The following HPF1 variants were observed in gnomAD, a reference collection of about 807,000 sequenced individuals.
HPF1 encodes UPF0609 protein C4orf27.
HPF1 carries 35 observed loss-of-function variants against 38.8 expected under a neutral mutation model. The observed-to-expected ratio is 0.90, with a 90% confidence interval of 0.69 to 1.19. The LOEUF is 1.19. Ranked by LOEUF, HPF1 falls within the 50% of genes most tolerant of loss-of-function variation. The probability of loss-of-function intolerance (pLI) is 0.00; values close to 1 mark genes in which losing one functional copy is unlikely to be tolerated. For missense variants in HPF1, 367 were observed against 405.8 expected (o/e 0.90, Z 0.82); for synonymous variants, 115 against 139.2 (o/e 0.83, Z 1.22).
chr4:169,732,519 T>C (rs1733843140), intron 6 of HPF1, among the ~76,000 whole-genome samples: 1 of 152,186 alleles, frequency 6.6e-6, no homozygotes, highest in South Asian at 2.1e-4. Flanking sequence ...AGCAGACTAG[T>C]CCAGGAGTTG....
At chr4:169,740,665 A>C (rs1733957210) in intron 5 of HPF1, among the ~76,000 whole-genome samples, 1 of 152,234 alleles carries the variant, frequency 6.6e-6, no homozygotes, top group African/African-American at 2.4e-5. Context: ...TTGTCTTGAA[A>C]GTTCTTTTTT....
intron 1 of HPF1, among the ~76,000 whole-genome samples, chr4:169,754,398 G>A (rs1734158957): frequency 6.6e-6 from 1 of 152,054 alleles, no homozygotes. Context: ...TCCTAATAAA[G>A]TTAGCAGAAT....
chr4:169,737,304 AAAACAAAC>A (rs1733911135), intron 6 of HPF1, among the ~76,000 whole-genome samples: 2 of 143,730 alleles, frequency 1.4e-5, no homozygotes, highest in East Asian at 3.9e-4. Context: ...AAAAAAAAAA[AAAACAAAC>A]AAAAAAAGAA....
intron 4 of HPF1, among the ~76,000 whole-genome samples, chr4:169,742,617 C>T (rs537764518): frequency 2.6e-5 from 4 of 152,228 alleles, no homozygotes; most frequent in South Asian, 4.1e-4. Flanking sequence ...AAGGTGAAAC[C>T]CCGTCTCTAC....
chr4:169,757,354 A>C (rs113364596), intron 1 of HPF1, among the ~76,000 whole-genome samples: 26 of 152,332 alleles, frequency 1.7e-4, no homozygotes, highest in African/African-American at 5.5e-4. Context: ...GGGACTTGTT[A>C]AATCCTCCTT....
chr4:169,742,830 GTGGTCCA>G (rs1733993064), intron 4 of HPF1, among the ~76,000 whole-genome samples: 1 of 151,772 alleles, frequency 6.6e-6, no homozygotes. Context: ...ACCAGGCATG[GTGGTCCA>G]TGCCTGTAAC....
Position 169,729,661 on chromosome 4 carries a change from A to C in HPF1, c.958T>G (p.Leu320Val). Residue 320 changes from leucine to valine, a missense_variant, in exon 8 of 8, where the codon TTG becomes GTG. Coordinates refer to ENST00000393381, the MANE Select transcript of HPF1 (RefSeq NM_017867.3). ...GQLLPLAYNL[L>V]KRNLFAEIIE... ...ATTTCTGCAAACAGATTCCTCTTCA[A>C]CAGATTATATGCAAGAGGTAAAAGC... The C allele has an allele frequency of 6.3e-7, 1 of 1,585,126 alleles. No individual in the cohort carries two copies. Among genetic ancestry groups the C allele is most frequent in the Admixed American group, 1.8e-5 (1 of 54,466 alleles).
intron 4 of HPF1, among the ~76,000 whole-genome samples, chr4:169,742,660 C>T (rs191824625): frequency 2.5e-4 from 38 of 152,246 alleles, no homozygotes; most frequent in East Asian, 5.8e-4. Flanking sequence ...GGCGTGATGG[C>T]GGGCGCCTGT....
At chr4:169,731,634 G>A in intron 7 of HPF1, 70 bp downstream of exon 7, 1 of 1,188,812 alleles carries the variant, frequency 8.4e-7, no homozygotes, top group Non-Finnish European at 1.2e-6. Context: ...GTATTCATGT[G>A]TGGATGTATG....
At chr4:169,732,031 T>A (rs1581311562) in intron 6 of HPF1, 155 bp from the exon 7 acceptor site, 1 of 535,312 alleles carries the variant, frequency 1.9e-6, no homozygotes, top group African/African-American at 2.0e-5. Flanking sequence ...CACTCTAATT[T>A]AGAATGGCAA....
At chr4:169,751,786 G>A (rs1734122370) in intron 2 of HPF1, among the ~76,000 whole-genome samples, 2 of 152,148 alleles carry the variant, frequency 1.3e-5, no homozygotes, top group Admixed American at 1.3e-4. Flanking sequence ...AAGCTTAGGA[G>A]AGCATACACT....
intron 4 of HPF1, among the ~76,000 whole-genome samples, chr4:169,745,042 C>T (rs7664002): frequency 0.062 from 9,430 of 152,094 alleles, 976 homozygotes; most frequent in African/African-American, 0.21. Context: ...ACCATGGCTG[C>T]GGGATGACCC....
At chr4:169,754,163 G>C (rs1394954812) in intron 1 of HPF1, among the ~76,000 whole-genome samples, 2 of 152,224 alleles carry the variant, frequency 1.3e-5, no homozygotes, top group Admixed American at 1.3e-4. Context: ...CCCTCTTTTG[G>C]TTAAAGGTGT....
chr4:169,738,160 G>A (rs1261511043), intron 5 of HPF1, among the ~76,000 whole-genome samples: 11 of 152,086 alleles, frequency 7.2e-5, no homozygotes. Flanking sequence ...AAGAAGATAT[G>A]GTAGGACAGA....
intron 5 of HPF1, among the ~76,000 whole-genome samples, chr4:169,740,164 G>A (rs1466383585): frequency 6.6e-6 from 1 of 152,154 alleles, no homozygotes; most frequent in Admixed American, 6.5e-5. Context: ...AGAAATCCAG[G>A]TATGAAAAAG....
At chr4:169,737,558 G>A in intron 6 of HPF1, 102 bp downstream of exon 6, 6 of 775,946 alleles carry the variant, frequency 7.7e-6, no homozygotes, top group Non-Finnish European at 1.4e-5. Context: ...TCTAGCGACT[G>A]TGTCAGAAAA....
At chr4:169,757,787 C>T in intron 1 of HPF1, 43 bp downstream of exon 1, 1 of 1,530,470 alleles carries the variant, frequency 6.5e-7, no homozygotes, top group Non-Finnish European at 8.8e-7. Context: ...CTGGCTGTCA[C>T]CCAAAGCGCC....
At chr4:169,737,543 T>G in intron 6 of HPF1, 117 bp downstream of exon 6, 1 of 702,304 alleles carries the variant, frequency 1.4e-6, no homozygotes, top group Non-Finnish European at 2.6e-6. Flanking sequence ...TCTTTATTAC[T>G]AAGGTCTAGC....
intron 2 of HPF1, among the ~76,000 whole-genome samples, chr4:169,751,421 A>G (rs1480206404): frequency 2.6e-5 from 4 of 151,594 alleles, no homozygotes; most frequent in Non-Finnish European, 5.9e-5. Flanking sequence ...AAAAAAAAAA[A>G]AGGTAAAAAA....
Sources: allele counts gnomAD v4.1 joint callset (sites outside exome capture counted in the v4.1 genomes callset), GRCh38; gene constraint gnomAD v4.1.1; transcripts MANE v1.5; gene names NCBI Gene and HGNC (gene_info 2026-07-23, HGNC 2026-07-21).